Variants in USP34 observed in about 807,000 individuals in gnomAD.
The protein encoded by USP34 is ubiquitin specific peptidase 34.
USP34 carries 70 observed loss-of-function variants against 460.3 expected under a neutral mutation model. The observed-to-expected ratio is 0.15, with a 90% CI of 0.13 to 0.19. USP34 has a LOEUF of 0.19. Ranked by LOEUF, USP34 falls within the 10% of genes least tolerant of loss-of-function variation. USP34 has a pLI of 1.00. For synonymous variants in USP34, 1,647 were observed against 1,405.3 expected, an observed-to-expected ratio of 1.17 and a Z score of -3.85; for missense variants, 3,985 against 4,236.2, an observed-to-expected ratio of 0.94 and a Z score of 1.65.
At chr2:61,342,771 T>G (rs547765229) in intron 16 of USP34, among the ~76,000 whole-genome samples, 2 of 152,356 alleles carry the variant, frequency 1.3e-5, no homozygotes, top group South Asian at 4.1e-4. Context: ...TACTATCATT[T>G]TATTCTGTCT....
At chr2:61,349,061 T>C (rs1490579626) in intron 13 of USP34, among the ~76,000 whole-genome samples, 175 bp from the exon 14 acceptor site, 1 of 152,212 alleles carries the variant, frequency 6.6e-6, no homozygotes, top group Non-Finnish European at 1.5e-5. Context: ...AGATGTAAGA[T>C]TCAATTAAAA....
chr2:61,365,253 A>C (rs1692395583), intron 10 of USP34, among the ~76,000 whole-genome samples: 1 of 120,914 alleles, frequency 8.3e-6, no homozygotes, highest in African/African-American at 3.5e-5. Flanking sequence ...CTCCATTTCA[A>C]AATACACACA....
intron 47 of USP34, 99 bp downstream of exon 47, chr2:61,256,774 A>T: frequency 1.1e-6 from 1 of 885,358 alleles, no homozygotes; most frequent in South Asian, 2.5e-5. Context: ...ACATAAAAAC[A>T]TGAAAAAAGT....
intron 10 of USP34, among the ~76,000 whole-genome samples, chr2:61,366,822 A>C (rs1692455815): frequency 6.6e-6 from 1 of 152,130 alleles, no homozygotes; most frequent in African/African-American, 2.4e-5. Flanking sequence ...GCAACGCAGG[A>C]GGATCGCTTG....
At position 61,221,560 on chromosome 2, in the gene USP34, G is replaced by A. The variant is rs1687585512; in HGVS notation, c.7841C>T (p.Ala2614Val). 2 of 1,614,034 alleles carry A rather than the reference G, an allele frequency of 1.2e-6. No individual in the cohort carries two copies. The highest frequency in any genetic ancestry group is 1.7e-6 in the Non-Finnish European group (2 of 1,179,948). The change falls in exon 66 of 80, where the codon GCT (alanine) becomes GTT (valine). Residue 2614 changes from alanine (A) to valine (V), a missense_variant. Physicochemically the swap from Ala to Val is moderately conservative, Grantham distance 64. Around this residue, in one of 14 missense-constraint regions of USP34, gnomAD observed 604 missense variants for 684.8 expected, o/e 0.88. Transcript: ENST00000398571. ...FKLLTMLMEF[A>V]GGPPGMPPFA... ...GGGAGGCATTCCTGGAGGTCCACCAGCAAACTCCATTAGCATAGTCAACAA... is the reference window on the plus strand; with the variant it reads ...GGGAGGCATTCCTGGAGGTCCACCAACAAACTCCATTAGCATAGTCAACAA...
intron 6 of USP34, among the ~76,000 whole-genome samples, chr2:61,381,612 C>T (rs959681409): frequency 1.3e-5 from 2 of 152,166 alleles, no homozygotes; most frequent in African/African-American, 4.8e-5. Flanking sequence ...GCTGGGATTA[C>T]AGGCATGAGC....
intron 49 of USP34, among the ~76,000 whole-genome samples, 173 bp downstream of exon 49, chr2:61,248,338 G>T (rs1024393808): frequency 2.0e-5 from 3 of 152,128 alleles, no homozygotes; most frequent in African/African-American, 7.2e-5. Flanking sequence ...AGTCCTAGTA[G>T]ATACTAAATA....
intron 2 of USP34, among the ~76,000 whole-genome samples, chr2:61,408,169 A>C (rs764530366): frequency 6.6e-6 from 1 of 152,108 alleles, no homozygotes; most frequent in African/African-American, 2.4e-5. Context: ...GTCACTATCT[A>C]AAGCAAGCCA....
chr2:61,398,654 C>T (rs1372196537), intron 3 of USP34, among the ~76,000 whole-genome samples: 1 of 152,016 alleles, frequency 6.6e-6, no homozygotes, highest in Non-Finnish European at 1.5e-5. Flanking sequence ...CTTTTATGAT[C>T]AGAAAGCTAG....
chr2:61,240,221 T>C (rs1174940294), intron 53 of USP34, among the ~76,000 whole-genome samples: 5 of 135,730 alleles, frequency 3.7e-5, no homozygotes, highest in Admixed American at 2.9e-4. Flanking sequence ...TAATGTACTA[T>C]TACTACTTAC....
At chr2:61,387,946 CACACACACACACAT>C (rs1178106115) in intron 5 of USP34, among the ~76,000 whole-genome samples, 3 of 147,364 alleles carry the variant, frequency 2.0e-5, no homozygotes, top group African/African-American at 7.6e-5. Context: ...CACACACACA[CACACACACACACAT>C]ATATATATAT....
In USP34 at chr2:61,205,884, C is replaced by T. The variant is rs1687105163; in HGVS notation, c.9154+133G>A. 4.8e-6 allele frequency: 3 copies of T among 619,840 alleles called. No individual in the cohort carries two copies. In the Admixed American group the frequency reaches 8.8e-5, roughly 18 times the overall value. The allele number at this position is 619,840 out of a possible 1,614,324, so 38.4% of individuals were successfully genotyped here. A position where few individuals can be genotyped will look rare whatever the true frequency, so the allele number is the denominator to read the frequency against. On this transcript the variant is annotated intron_variant, in intron 72 of 79. Transcript: ENST00000398571. ...GAAATTTTCTTTATTTTCTTAGGACCTGCTAGCTAGTGTGAGTTACACATA... is the reference window on the plus strand; with the variant it reads ...GAAATTTTCTTTATTTTCTTAGGACTTGCTAGCTAGTGTGAGTTACACATA...
At chr2:61,373,102 G>C (rs1209451045) in intron 8 of USP34, among the ~76,000 whole-genome samples, 1 of 152,022 alleles carries the variant, frequency 6.6e-6, no homozygotes, top group East Asian at 1.9e-4. Flanking sequence ...TTTTATTAGA[G>C]TTAAATCAGT....
chr2:61,330,334 T>C (rs1691222287), intron 20 of USP34, among the ~76,000 whole-genome samples: 1 of 152,176 alleles, frequency 6.6e-6, no homozygotes, highest in South Asian at 2.1e-4. Flanking sequence ...ATTATTCATG[T>C]TTGGAAATAA....
chr2:61,377,175 G>C (rs1013623833), intron 8 of USP34, among the ~76,000 whole-genome samples: 1 of 152,058 alleles, frequency 6.6e-6, no homozygotes, highest in Non-Finnish European at 1.5e-5. Context: ...TCTTTAGCCT[G>C]AAGGGAAAAA....
chr2:61,432,306 T>C (rs1025061781), intron 1 of USP34, among the ~76,000 whole-genome samples: 4 of 152,040 alleles, frequency 2.6e-5, no homozygotes, highest in Non-Finnish European at 4.4e-5. Flanking sequence ...AAACCCCATC[T>C]CTACAAAAAA....
chr2:61,254,427 G>T (rs1688666436), intron 48 of USP34, among the ~76,000 whole-genome samples: 1 of 152,116 alleles, frequency 6.6e-6, no homozygotes. Context: ...TGATGCCATC[G>T]TGTTACCAAT....
intron 44 of USP34, 47 bp from the exon 45 acceptor site, chr2:61,257,397 A>C: frequency 8.0e-6 from 12 of 1,494,970 alleles, no homozygotes; most frequent in South Asian, 2.8e-5. Flanking sequence ...AAAAATAAGA[A>C]AATTATAGGT....
At chr2:61,335,106 T>C (rs1296940554) in intron 18 of USP34, among the ~76,000 whole-genome samples, 1 of 152,216 alleles carries the variant, frequency 6.6e-6, no homozygotes, top group African/African-American at 2.4e-5. Context: ...TTTTAGACTA[T>C]AAATTAATAA....
Sources: gnomAD v4.1 joint callset for allele counts (sites outside exome capture counted in the v4.1 genomes callset) on GRCh38, gnomAD v4.1.1 for gene constraint, gnomAD v4.1.1 regional missense constraint, MANE v1.5 for transcripts, NCBI Gene and HGNC (gene_info 2026-07-23, HGNC 2026-07-21) for gene names.